Variants in DNAH6 observed in about 807,000 individuals in gnomAD.
DNAH6 encodes the protein axonemal beta dynein heavy chain 6.
In DNAH6, 340 loss-of-function variants were observed where a neutral mutation model predicts 491.4. The ratio of observed to expected loss-of-function variants is 0.69; its 90% CI spans 0.63 to 0.76. The LOEUF (loss-of-function observed/expected upper bound fraction) is 0.76. Among genes scored for constraint, DNAH6 ranks in the 30% least tolerant of loss-of-function variants. The pLI is 0.00. For missense variants in DNAH6, 4,443 were observed against 4,972.2 expected, an observed-to-expected ratio of 0.89 and a Z score of 3.20; for synonymous variants, 1,603 against 1,686.1, an observed-to-expected ratio of 0.95 and a Z score of 1.21.
chr2:84,623,694 A>G (rs917523233), intron 26 of DNAH6, among the ~76,000 whole-genome samples: 5 of 152,162 alleles, frequency 3.3e-5, no homozygotes, highest in African/African-American at 9.7e-5. Context: ...TTTCAGCACA[A>G]TGGTGCAAGG....
At chr2:84,477,627 A>G in the DNAH6 span, among the ~76,000 whole-genome samples, 18 of 152,100 alleles carry the variant, frequency 1.2e-4, no homozygotes, top group Non-Finnish European at 2.4e-4. Flanking sequence ...ATTGACTCAC[A>G]TTTTTGTCCT....
chr2:84,528,811 A>G, intron 3 of DNAH6, 93 bp from the exon 4 acceptor site: 3 of 1,231,832 alleles, frequency 2.4e-6, no homozygotes, highest in Non-Finnish European at 3.3e-6. Flanking sequence ...CTCATGCAAT[A>G]TGGCAATTAG....
At position 84,555,378 on chromosome 2, in the gene DNAH6, G is replaced by T. The variant is rs79695890; in HGVS notation, c.1602+2344G>T. Among the ~76,000 whole-genome samples the T allele has an allele frequency of 6.3e-3, 957 of 152,102 alleles. 8 individuals are homozygous for T. Among genetic ancestry groups the T allele is most frequent in the African/African-American group, 0.022 (897 of 41,494 alleles). On this transcript the variant is annotated intron_variant, in intron 10 of 76. Coordinates refer to ENST00000389394, the MANE Select transcript of DNAH6 (RefSeq NM_001370.2). ...CTCCTCCTTTGGTTTAATTGAAATAGACTCCTCCTCTGGTTTCTATTTCTG... is the reference window on the plus strand; with the variant it reads ...CTCCTCCTTTGGTTTAATTGAAATATACTCCTCCTCTGGTTTCTATTTCTG...
At chr2:84,530,226 T>C (rs1677030662) in intron 4 of DNAH6, among the ~76,000 whole-genome samples, 1 of 152,048 alleles carries the variant, frequency 6.6e-6, no homozygotes, top group Non-Finnish European at 1.5e-5. Flanking sequence ...AATACTAAAA[T>C]GTGATAAGTA....
chr2:84,493,447 A>G, the DNAH6 span, among the ~76,000 whole-genome samples: 1 of 152,198 alleles, frequency 6.6e-6, no homozygotes, highest in African/African-American at 2.4e-5. Flanking sequence ...TTTTATTTAA[A>G]TGTAGCTTCC....
At position 84,626,997 on chromosome 2, in the gene DNAH6, C is replaced by T. The variant is rs575673677; in HGVS notation, c.4515+1934C>T. Among the ~76,000 whole-genome samples the T allele has an allele frequency of 4.6e-5, 7 of 152,252 alleles. No individual in the cohort carries two copies. In the South Asian group the frequency reaches 1.2e-3, roughly 27 times the overall value. On this transcript the variant is annotated intron_variant, in intron 29 of 76. Transcript: ENST00000389394. ...TATGATCTGCAGGTCTGGGGTGGGG[C>T]CTGAAATTATGCATTTCTGACATCC...
chr2:84,779,829 G>T (rs536222908), intron 64 of DNAH6, among the ~76,000 whole-genome samples: 7 of 152,260 alleles, frequency 4.6e-5, no homozygotes, highest in African/African-American at 1.7e-4. Context: ...CGCTAGTCTA[G>T]TGGTAAAGAA....
intron 64 of DNAH6, chr2:84,777,991 AG>A: frequency 1.1e-6 from 1 of 950,262 alleles, no homozygotes; most frequent in Non-Finnish European, 1.7e-6. Context: ...TGGAATTTGC[AG>A]TTACATTATA....
At chr2:84,685,494 T>A in intron 43 of DNAH6, 22 bp downstream of exon 43, 2 of 1,366,656 alleles carry the variant, frequency 1.5e-6, no homozygotes, top group Non-Finnish European at 1.9e-6. Flanking sequence ...TCTTTACCTA[T>A]TCTTTTTTTT....
intron 49 of DNAH6, among the ~76,000 whole-genome samples, chr2:84,701,574 G>C (rs534961446): frequency 2.6e-5 from 4 of 152,260 alleles, no homozygotes; most frequent in African/African-American, 9.6e-5. Context: ...CTTTTGGGGA[G>C]GCCTCGGGAA....
intron 18 of DNAH6, among the ~76,000 whole-genome samples, chr2:84,598,160 T>TTTCTTTCTTTC (rs1276563256): frequency 1.7e-4 from 11 of 64,136 alleles, no homozygotes; most frequent in Non-Finnish European, 1.4e-4. Context: ...TCTTTCTTTC[T>TTTCTTTCTTTC]TTCTTTCTTT....
rs972869878 is a variant in DNAH6 at position 84,670,451 on chromosome 2, G to A, written c.6430G>A (p.Glu2144Lys). 1.2e-5 allele frequency: 18 copies of A among 1,531,260 alleles called. No individual in the cohort carries two copies. Among genetic ancestry groups the A allele is most frequent in the Non-Finnish European group, 1.4e-5 (16 of 1,139,934 alleles). 94.9% of individuals were successfully genotyped at this position (1,531,260 alleles called of 1,614,324 possible). A position where few individuals can be genotyped will look rare whatever the true frequency, so the allele number is the denominator to read the frequency against. Residue 2144 changes from glutamate (E) to lysine (K), a missense_variant, in exon 39 of 77, where the codon GAG (glutamate) becomes AAG (lysine). Coordinates refer to ENST00000389394, the MANE Select transcript of DNAH6 (RefSeq NM_001370.2). ...RTQEIIESKLERKRKNILGAP... is the reference protein window; with the variant it reads ...RTQEIIESKLKRKRKNILGAP... ...ACAAGAGATCATTGAGTCAAAACTG[G>A]AGAGAAAAAGAAAAAATATTCTAGG...
chr2:84,796,236 A>T (rs1678331631), intron 68 of DNAH6, 70 bp from the exon 69 acceptor site: 1 of 1,076,732 alleles, frequency 9.3e-7, no homozygotes, highest in African/African-American at 1.6e-5. Flanking sequence ...AACATTAAAA[A>T]TTTAAAATTA....
rs1389854252 is a variant in DNAH6 at position 84,606,979 on chromosome 2, C to G, written c.3178C>G (p.Leu1060Val). 2 of 1,549,978 alleles carry G rather than the reference C, an allele frequency of 1.3e-6. No homozygotes were observed. Among genetic ancestry groups the G allele is most frequent in the East Asian group, 2.4e-5 (1 of 40,862 alleles). Residue 1060 changes from leucine (L) to valine (V), a missense_variant, in exon 21 of 77, where the codon CTT becomes GTT. By Grantham distance (32) the Leu-to-Val change is conservative. Around this residue, in one of 3 missense-constraint regions of DNAH6, gnomAD observed 2,977 missense variants for 3,296.6 expected, o/e 0.90. Transcript: ENST00000389394. The stretch of plus-strand genomic sequence containing the variant: ...TTTTCTTCCCCTTCCTTTAAAGGTC[C>G]TTCTTGATGATAGCACCATCAATGT... ...ILGGTDDIQVLLDDSTINVAT... is the reference protein window; with the variant it reads ...ILGGTDDIQVVLDDSTINVAT...
At chr2:84,542,076 A>G (rs534481377) in intron 4 of DNAH6, among the ~76,000 whole-genome samples, 1 of 152,300 alleles carries the variant, frequency 6.6e-6, no homozygotes, top group South Asian at 2.1e-4. Context: ...AATACAAATA[A>G]AAGGAATTCC....
At chr2:84,676,851 G>C (rs1693274348) in intron 40 of DNAH6, among the ~76,000 whole-genome samples, 154 bp from the exon 41 acceptor site, 1 of 152,166 alleles carries the variant, frequency 6.6e-6, no homozygotes, top group African/African-American at 2.4e-5. Flanking sequence ...TGTAATTATA[G>C]TGATCTCTTG....
chr2:84,684,093 G>A (rs1394424164), intron 42 of DNAH6, among the ~76,000 whole-genome samples: 1 of 152,112 alleles, frequency 6.6e-6, no homozygotes, highest in Non-Finnish European at 1.5e-5. Context: ...GACTCTCAAA[G>A]CTGGCACACC....
chr2:84,497,785 A>G, the DNAH6 span, among the ~76,000 whole-genome samples: 1 of 152,250 alleles, frequency 6.6e-6, no homozygotes, highest in Non-Finnish European at 1.5e-5. Context: ...AAGGCCTAAC[A>G]TTAGGATGAA....
chr2:84,657,793 C>T (rs1465174263), intron 35 of DNAH6, among the ~76,000 whole-genome samples: 2 of 151,994 alleles, frequency 1.3e-5, no homozygotes, highest in African/African-American at 4.8e-5. Flanking sequence ...CCTTCCCAAT[C>T]TGTATACCTT....
Sources: allele counts gnomAD v4.1 joint callset (sites outside exome capture counted in the v4.1 genomes callset), GRCh38; gene constraint gnomAD v4.1.1; regional missense constraint gnomAD v4.1.1; transcripts MANE v1.5; gene names NCBI Gene and HGNC (gene_info 2026-07-23, HGNC 2026-07-21).